GFRA2: variants seen among roughly 807,000 people sequenced by gnomAD.
GFRA2 encodes GDNF family receptor alpha 2.
Under a neutral mutation model 48.3 loss-of-function variants are expected in GFRA2, and 17 were observed. The observed-to-expected ratio is 0.35, with a 90% CI of 0.24 to 0.53. The LOEUF (loss-of-function observed/expected upper bound fraction) is 0.53, where lower values mean the gene tolerates loss of function less well. Ranked by LOEUF, GFRA2 falls within the 20% of genes least tolerant of loss-of-function variation. The pLI is 0.93. For missense variants in GFRA2, 660 were observed against 637.3 expected, an observed-to-expected ratio of 1.04 and a Z score of -0.38; for synonymous variants, 305 against 257.2, an observed-to-expected ratio of 1.19 and a Z score of -1.78.
chr8:21,758,551 T>C (rs6587006), intron 3 of GFRA2, among the ~76,000 whole-genome samples: 98,578 of 151,884 alleles, frequency 0.65, 34,156 homozygotes, highest in African/African-American at 0.91. Flanking sequence ...AGATGTGGAG[T>C]TCTACTACTT....
chr8:21,702,725 C>T, intron 7 of GFRA2, 80 bp downstream of exon 7: 1 of 1,407,648 alleles, frequency 7.1e-7, no homozygotes, highest in Non-Finnish European at 9.5e-7. Flanking sequence ...GACCCTCCCT[C>T]CCTGGCCTCA....
At chr8:21,811,369 A>G (rs1048069607) in intron 1 of GFRA2, among the ~76,000 whole-genome samples, 1 of 152,178 alleles carries the variant, frequency 6.6e-6, no homozygotes, top group South Asian at 2.1e-4. Flanking sequence ...AGATCCTAAC[A>G]TGTGACTTTA....
chr8:21,737,578 C>A (rs768604971), intron 4 of GFRA2, among the ~76,000 whole-genome samples: 8 of 152,098 alleles, frequency 5.3e-5, no homozygotes, highest in Non-Finnish European at 7.4e-5. Flanking sequence ...TCCAACCTTA[C>A]GCGCACAGAC....
chr8:21,757,149 A>G (rs2117623121), intron 3 of GFRA2, among the ~76,000 whole-genome samples: 1 of 152,244 alleles, frequency 6.6e-6, no homozygotes, highest in Admixed American at 6.5e-5. Flanking sequence ...GCTGGGGAGC[A>G]CAGCCAGCAG....
At chr8:21,783,695 C>T (rs1296252410) in intron 1 of GFRA2, among the ~76,000 whole-genome samples, 1 of 151,968 alleles carries the variant, frequency 6.6e-6, no homozygotes, top group Non-Finnish European at 1.5e-5. Context: ...TCTCCTCTTC[C>T]GAGAGACAAG....
chr8:21,713,426 C>T (rs1013475896), intron 4 of GFRA2, among the ~76,000 whole-genome samples: 12 of 152,018 alleles, frequency 7.9e-5, no homozygotes, highest in African/African-American at 2.7e-4. Flanking sequence ...AAACTCCTGA[C>T]CTCAAGTGAT....
At chr8:21,769,432 C>T (rs1563258578) in intron 3 of GFRA2, among the ~76,000 whole-genome samples, 1 of 152,232 alleles carries the variant, frequency 6.6e-6, no homozygotes, top group African/African-American at 2.4e-5. Context: ...TACCCTTCAC[C>T]AGCACCTAGG....
chr8:21,704,329 C>A (rs572186759), intron 6 of GFRA2, among the ~76,000 whole-genome samples: 12 of 152,230 alleles, frequency 7.9e-5, no homozygotes, highest in Non-Finnish European at 1.6e-4. Flanking sequence ...GCAGACCCCC[C>A]GCCCAGAGCA....
chr8:21,763,950 AACACACACACACACACACACAC>A (rs527247743), intron 3 of GFRA2, among the ~76,000 whole-genome samples: 2,851 of 123,452 alleles, frequency 0.023, 96 homozygotes, highest in African/African-American at 0.065. Flanking sequence ...GTCACTAGGT[AACACACACACACACACACACAC>A]ACACACACAC....
Position 21,784,500 on chromosome 8 carries a change from A to G in GFRA2, c.41-1601T>C, listed in dbSNP as rs79003513. Among the ~76,000 whole-genome samples, 592 of 152,224 alleles carry G rather than the reference A, an allele frequency of 3.9e-3. 24 individuals are homozygous for G. The East Asian group carries it at 0.095, about 25-fold the overall frequency. On this transcript the variant is annotated intron_variant, in intron 1 of 8. Transcript: ENST00000524240. ...TCCCCCGGGAGGCCCTGCTCAGGGG[A>G]GCGCTACCGCAGGGAGACAGCGACA...
chr8:21,773,570 AAGG>A (rs1204496222), intron 3 of GFRA2, among the ~76,000 whole-genome samples: 1 of 152,258 alleles, frequency 6.6e-6, no homozygotes, highest in East Asian at 1.9e-4. Context: ...GAGAAAGAAA[AAGG>A]AGATCTTACA....
chr8:21,767,175 A>G (rs372214991), intron 3 of GFRA2, among the ~76,000 whole-genome samples: 143,440 of 149,160 alleles, frequency 0.96, 69,104 homozygotes, highest in African/African-American at 0.98. Flanking sequence ...ACACCACCAC[A>G]AACACCCACA....
chr8:21,760,349 T>G (rs1585309724), intron 3 of GFRA2, among the ~76,000 whole-genome samples: 1 of 152,028 alleles, frequency 6.6e-6, no homozygotes, highest in South Asian at 2.1e-4. Flanking sequence ...AGAAAGCTAG[T>G]GGAGGCTGGG....
At position 21,782,733 on chromosome 8, in the gene GFRA2, G is replaced by C. The variant is rs1290009744; in HGVS notation, c.207C>G (p.Arg69=). 1.3e-6 allele frequency: 2 copies of C among 1,597,332 alleles called. No homozygotes were observed. The highest frequency in any genetic ancestry group is 4.5e-5 in the East Asian group (2 of 43,978). The change falls in exon 2 of 9, where the codon CGC becomes CGG. Residue 69 remains arginine, a synonymous_variant. Coordinates refer to ENST00000524240, the MANE Select transcript of GFRA2 (RefSeq NM_001495.5). ...TLRQCLAGRD[R]NTMLANKECQ... is the part of the protein sequence containing the mutation. ...ACTCCTTGTTGGCCAGCATGGTGTT[G>C]CGGTCGCGGCCTGCCAGGCACTGCC...
At chr8:21,796,421 G>C (rs1200169448) in intron 2 of GFRA2, among the ~76,000 whole-genome samples, 1 of 152,250 alleles carries the variant, frequency 6.6e-6, no homozygotes, top group Non-Finnish European at 1.5e-5. Context: ...AGAGCTCTCA[G>C]TCCCAACAGC....
chr8:21,713,999 TG>T (rs1252170161), intron 4 of GFRA2, among the ~76,000 whole-genome samples: 1 of 152,208 alleles, frequency 6.6e-6, no homozygotes, highest in Non-Finnish European at 1.5e-5. Context: ...CACGTGTTTG[TG>T]TACAAACACA....
chr8:21,795,047 C>T (rs1249780334), intron 2 of GFRA2, among the ~76,000 whole-genome samples: 8 of 152,210 alleles, frequency 5.3e-5, no homozygotes, highest in Admixed American at 4.6e-4. Flanking sequence ...CCCAGGGCCT[C>T]GCAGACCTCT....
intron 3 of GFRA2, among the ~76,000 whole-genome samples, chr8:21,762,912 C>A (rs966790886): frequency 6.6e-6 from 1 of 152,022 alleles, no homozygotes; most frequent in Non-Finnish European, 1.5e-5. Context: ...CATTAAAAAC[C>A]AAATTTGAGG....
chr8:21,735,737 AC>A (rs1410527716), intron 4 of GFRA2, among the ~76,000 whole-genome samples: 1 of 152,082 alleles, frequency 6.6e-6, no homozygotes, highest in Non-Finnish European at 1.5e-5. Flanking sequence ...ATCACAGCTC[AC>A]TGCAGCCTTG....
Sources: allele counts gnomAD v4.1 joint callset (sites outside exome capture counted in the v4.1 genomes callset), GRCh38; gene constraint gnomAD v4.1.1; transcripts MANE v1.5; gene names NCBI Gene and HGNC (gene_info 2026-07-23, HGNC 2026-07-21).